TSPAN7: variants seen among roughly 807,000 people sequenced by gnomAD.
TSPAN7 encodes tetraspanin 7.
TSPAN7 carries 1 observed loss-of-function variant against 17.6 expected under a neutral mutation model. The observed-to-expected ratio is 0.06, with a 90% CI of 0.02 to 0.27. TSPAN7 has a LOEUF of 0.27. Among genes scored for constraint, TSPAN7 ranks in the 10% least tolerant of loss-of-function variants. The pLI is 1.00. For missense variants in TSPAN7, 112 were observed against 201.7 expected (o/e 0.56, Z 2.69); for synonymous variants, 78 against 79.0 (o/e 0.99, Z 0.07).
chrX:38,674,253 C>T lies in TSPAN7; in HGVS notation c.378C>T (p.Asp126=), dbSNP rs752608096. 9.3e-5 allele frequency: 112 copies of T among 1,198,898 alleles called. No homozygotes were observed. The African/African-American group carries it at 1.0e-3, about 11-fold the overall frequency. Residue 126 remains aspartate, a synonymous_variant, in exon 4 of 8, where the codon GAC becomes GAT. Transcript: ENST00000378482. ...IKDTFLRTYT[D]AMQTYNGNDE... is the part of the protein sequence containing the mutation. ...ACACCTTCCTGAGGACTTACACGGA[C>T]GCTATGCAGACTTACAATGGCAATG...
rs376711090 is a variant in TSPAN7, at chrX:38,666,163, C to G, written c.124C>G (p.Leu42Val). 2.5e-6 allele frequency: 3 copies of G among 1,211,144 alleles called. No homozygotes were observed. Among genetic ancestry groups the G allele is most frequent in the Non-Finnish European group, 3.4e-6 (3 of 895,388 alleles). ...GCTGGCTGTTGGAGTCTGGGGCAAACTTACTCTGGGCACCTATATCTCCCT... is the reference window on the plus strand; with the variant it reads ...GCTGGCTGTTGGAGTCTGGGGCAAAGTTACTCTGGGCACCTATATCTCCCT... The part of the protein sequence containing the change: ...ILLAVGVWGK[L>V]TLGTYISLIA... Residue 42 changes from leucine (L) to valine (V), a missense_variant, in exon 2 of 8, where the codon CTT becomes GTT. Transcript: ENST00000378482.
intron 2 of TSPAN7, among the ~76,000 whole-genome samples, chrX:38,668,559 G>A (rs1244083031): frequency 1.8e-5 from 2 of 111,867 alleles, no homozygotes; most frequent in Non-Finnish European, 3.8e-5. Context: ...GCAGTTATTA[G>A]TCTTTTCTTT....
chrX:38,583,949 C>CTTTTTTTTTTTTTTT, intron 1 of TSPAN7, among the ~76,000 whole-genome samples: 116 of 66,934 alleles, frequency 1.7e-3, no homozygotes, highest in Non-Finnish European at 2.2e-3. Flanking sequence ...TTTTTCTTTT[C>CTTTTTTTTTTTTTTT]TTTTTTTTTT....
chrX:38,668,940 T>A (rs959628058), intron 2 of TSPAN7, among the ~76,000 whole-genome samples: 1 of 111,042 alleles, frequency 9.0e-6, no homozygotes, highest in Non-Finnish European at 1.9e-5. Flanking sequence ...GCATTTATTT[T>A]TTTTTTTGTC....
intron 6 of TSPAN7, among the ~76,000 whole-genome samples, chrX:38,682,656 T>C (rs2069900239): frequency 8.9e-6 from 1 of 112,477 alleles, no homozygotes; most frequent in South Asian, 3.7e-4. Flanking sequence ...ATTTTTTGTT[T>C]TTGTTTTGCA....
chrX:38,659,544 G>A (rs747473987), intron 1 of TSPAN7, among the ~76,000 whole-genome samples: 2 of 111,815 alleles, frequency 1.8e-5, no homozygotes, highest in Non-Finnish European at 1.9e-5. Flanking sequence ...TGAAGAGTGA[G>A]CTGAGGCCCA....
At chrX:38,604,811 C>A (rs1215136444) in intron 1 of TSPAN7, among the ~76,000 whole-genome samples, 3 of 110,998 alleles carry the variant, frequency 2.7e-5, no homozygotes, top group Non-Finnish European at 3.8e-5. Flanking sequence ...ACAAAAACCA[C>A]ATGATTATCT....
intron 1 of TSPAN7, among the ~76,000 whole-genome samples, chrX:38,571,300 C>T (rs1195939089): frequency 2.7e-5 from 3 of 110,543 alleles, no homozygotes; most frequent in African/African-American, 9.9e-5. Context: ...CCTAAGGGGC[C>T]CTAAAGAAGA....
intron 1 of TSPAN7, among the ~76,000 whole-genome samples, chrX:38,585,214 T>C (rs2069251541): frequency 8.9e-6 from 1 of 112,100 alleles, no homozygotes; most frequent in African/African-American, 3.2e-5. Context: ...TAACTTAATA[T>C]GTAACTGTTA....
At chrX:38,568,274 T>C (rs980045048) in intron 1 of TSPAN7, among the ~76,000 whole-genome samples, 5 of 108,355 alleles carry the variant, frequency 4.6e-5, no homozygotes, top group African/African-American at 1.7e-4. Flanking sequence ...TTTTGAGATG[T>C]CATGTCTTTC....
chrX:38,567,091 A>ATT (rs752848871), intron 1 of TSPAN7, among the ~76,000 whole-genome samples: 2 of 96,937 alleles, frequency 2.1e-5, no homozygotes, highest in East Asian at 6.6e-4. Context: ...AATTTAAAAC[A>ATT]ATTTTTTTTT....
chrX:38,585,403 A>G (rs893879532), intron 1 of TSPAN7, among the ~76,000 whole-genome samples: 2 of 111,065 alleles, frequency 1.8e-5, no homozygotes, highest in African/African-American at 6.6e-5. Context: ...TTCTTATATC[A>G]GTTTCTGGGC....
intron 1 of TSPAN7, among the ~76,000 whole-genome samples, chrX:38,655,193 G>A (rs1302156069): frequency 9.0e-6 from 1 of 111,588 alleles, no homozygotes; most frequent in African/African-American, 3.3e-5. Context: ...CTGCTGTGTT[G>A]AATAGAGAAT....
chrX:38,617,088 C>T (rs140427306), intron 1 of TSPAN7, among the ~76,000 whole-genome samples: 4 of 111,683 alleles, frequency 3.6e-5, no homozygotes, highest in African/African-American at 9.8e-5. Flanking sequence ...CCACAGTGTC[C>T]GTGGCTGTGT....
chrX:38,684,373 C>A (rs918919016), intron 6 of TSPAN7, among the ~76,000 whole-genome samples: 1 of 111,567 alleles, frequency 9.0e-6, no homozygotes, highest in Admixed American at 9.5e-5. Context: ...ACTTGATGGG[C>A]AGGGTCTGCT....
At chrX:38,616,105 A>C (rs1054829140) in intron 1 of TSPAN7, among the ~76,000 whole-genome samples, 1 of 112,423 alleles carries the variant, frequency 8.9e-6, no homozygotes, top group Non-Finnish European at 1.9e-5. Context: ...TACTGTGGCA[A>C]CTGGTGTGTA....
intron 1 of TSPAN7, among the ~76,000 whole-genome samples, chrX:38,585,461 T>C (rs1011098455): frequency 8.9e-6 from 1 of 112,020 alleles, no homozygotes; most frequent in African/African-American, 3.2e-5. Context: ...CCCTAACTTC[T>C]ATAAGTTGAA....
intron 1 of TSPAN7, among the ~76,000 whole-genome samples, chrX:38,645,546 T>C (rs1408408342): frequency 9.3e-6 from 1 of 108,027 alleles, no homozygotes; most frequent in African/African-American, 3.6e-5. Context: ...CAAGGGATGA[T>C]TTGAAGGAAA....
At chrX:38,685,399 C>T (rs2069921564) in intron 6 of TSPAN7, among the ~76,000 whole-genome samples, 1 of 112,073 alleles carries the variant, frequency 8.9e-6, no homozygotes, top group Non-Finnish European at 1.9e-5. Context: ...GCAGGCACAT[C>T]ACTTGAGCCC....
Sources: gnomAD v4.1 joint callset for allele counts (sites outside exome capture counted in the v4.1 genomes callset) on GRCh38, gnomAD v4.1.1 for gene constraint, MANE v1.5 for transcripts, NCBI Gene and HGNC (gene_info 2026-07-23, HGNC 2026-07-21) for gene names.